Variants in FSTL5 observed in about 807,000 individuals in gnomAD.
FSTL5 encodes follistatin like 5.
In FSTL5, 62 loss-of-function variants were observed where a neutral mutation model predicts 89.1. That is an observed-to-expected ratio of 0.70 (90% CI 0.57 to 0.86). The LOEUF is 0.86. Among genes scored for constraint, FSTL5 ranks in the 40% least tolerant of loss-of-function variants. The pLI, the probability that FSTL5 is intolerant of heterozygous loss-of-function variation, is 0.00. For missense variants in FSTL5, 1,057 were observed against 1,001.6 expected (o/e 1.06, Z -0.75); for synonymous variants, 383 against 346.2 (o/e 1.11, Z -1.18).
chr4:161,449,911 G>A (rs1445859424), intron 15 of FSTL5, among the ~76,000 whole-genome samples: 2 of 152,078 alleles, frequency 1.3e-5, no homozygotes, highest in Non-Finnish European at 2.9e-5. Flanking sequence ...TCTTATTCGT[G>A]CTACGTCAAA....
intron 3 of FSTL5, among the ~76,000 whole-genome samples, chr4:162,001,617 TGTGTGTGTGTAA>T (rs1287316118): frequency 6.6e-6 from 1 of 151,950 alleles, no homozygotes; most frequent in Non-Finnish European, 1.5e-5. Context: ...TGTGTGTGTG[TGTGTGTGTGTAA>T]GTGTAAGAGT....
chr4:161,731,629 A>G lies in FSTL5; in HGVS notation c.727+27782T>C, dbSNP rs540352579. Among the ~76,000 whole-genome samples, 11 of 152,102 alleles carry G rather than the reference A, an allele frequency of 7.2e-5. No individual in the cohort carries two copies. In the East Asian group the frequency reaches 2.1e-3, roughly 29 times the overall value. ...CAATTAAAACCTCTTTTCTTCATAA[A>G]TGACCCAGTCTCAGGTAGTTCTTTA... On this transcript the variant is annotated intron_variant, in intron 6 of 15. Transcript: ENST00000306100.
At chr4:161,935,121 T>C (rs1482785216) in intron 3 of FSTL5, among the ~76,000 whole-genome samples, 1 of 152,112 alleles carries the variant, frequency 6.6e-6, no homozygotes, top group Non-Finnish European at 1.5e-5. Context: ...ACTTGTATGG[T>C]AATGGAAATT....
At chr4:161,448,160 G>A (rs1733016529) in intron 15 of FSTL5, among the ~76,000 whole-genome samples, 1 of 152,100 alleles carries the variant, frequency 6.6e-6, no homozygotes, top group Admixed American at 6.6e-5. Context: ...TTCTCTTTGT[G>A]GGAGGAATTA....
At chr4:161,783,634 TTTCTTTCTTTC>T (rs1741751724) in intron 4 of FSTL5, among the ~76,000 whole-genome samples, 1 of 31,130 alleles carries the variant, frequency 3.2e-5, no homozygotes, top group African/African-American at 7.7e-5. Flanking sequence ...TTCTCTTTCT[TTTCTTTCTTTC>T]TCTCTCTTTC....
intron 6 of FSTL5, among the ~76,000 whole-genome samples, chr4:161,679,884 T>C (rs1737457133): frequency 6.6e-6 from 1 of 151,728 alleles, no homozygotes; most frequent in South Asian, 2.1e-4. Context: ...TACAAAACAA[T>C]ATTAAACAAT....
At chr4:161,595,401 C>A (rs4355346) in intron 7 of FSTL5, among the ~76,000 whole-genome samples, 89,133 of 151,816 alleles carry the variant, frequency 0.59, 26,434 homozygotes, top group East Asian at 0.77. Context: ...ATCAGAGATT[C>A]AATCTTTATG....
chr4:162,141,036 A>G (rs1732712277), intron 1 of FSTL5, among the ~76,000 whole-genome samples: 1 of 148,610 alleles, frequency 6.7e-6, no homozygotes, highest in Non-Finnish European at 1.5e-5. Flanking sequence ...GGGAGTAATG[A>G]GTGAATTCTA....
At chr4:161,686,978 G>A (rs1473877973) in intron 6 of FSTL5, among the ~76,000 whole-genome samples, 1 of 151,802 alleles carries the variant, frequency 6.6e-6, no homozygotes, top group South Asian at 2.1e-4. Flanking sequence ...GGCTCCTGCC[G>A]ACATTGCGTA....
At chr4:161,892,794 CA>C in intron 4 of FSTL5, among the ~76,000 whole-genome samples, 1 of 152,138 alleles carries the variant, frequency 6.6e-6, no homozygotes, top group South Asian at 2.1e-4. Context: ...GAATGTTCTT[CA>C]GGTTCTATTT....
intron 4 of FSTL5, among the ~76,000 whole-genome samples, chr4:161,834,804 A>C (rs2126865583): frequency 6.6e-6 from 1 of 152,230 alleles, no homozygotes; most frequent in South Asian, 2.1e-4. Context: ...ATACAAGAGG[A>C]TACAAACAAA....
intron 6 of FSTL5, among the ~76,000 whole-genome samples, chr4:161,756,228 G>T (rs1038858113): frequency 7.9e-5 from 12 of 151,984 alleles, no homozygotes; most frequent in African/African-American, 2.9e-4. Context: ...TTTTATCATT[G>T]TTATAGGATA....
intron 7 of FSTL5, among the ~76,000 whole-genome samples, chr4:161,593,036 T>C (rs1046185446): frequency 1.3e-5 from 2 of 152,188 alleles, no homozygotes; most frequent in African/African-American, 2.4e-5. Flanking sequence ...GAGTTTTTTG[T>C]TCCTTGCCCT....
intron 15 of FSTL5, among the ~76,000 whole-genome samples, chr4:161,454,197 C>G (rs1295865175): frequency 6.6e-6 from 1 of 152,118 alleles, no homozygotes; most frequent in Non-Finnish European, 1.5e-5. Flanking sequence ...TATAACATAG[C>G]TGGAGCAGTT....
At chr4:162,129,623 AT>A (rs1732220161) in intron 1 of FSTL5, among the ~76,000 whole-genome samples, 1 of 152,192 alleles carries the variant, frequency 6.6e-6, no homozygotes, top group African/African-American at 2.4e-5. Flanking sequence ...ACCAAAATAT[AT>A]CATAGCAGTA....
chr4:161,783,765 T>C (rs1306952053), intron 4 of FSTL5, among the ~76,000 whole-genome samples: 1 of 133,312 alleles, frequency 7.5e-6, no homozygotes, highest in Non-Finnish European at 1.6e-5. Context: ...TCTTTCCTTC[T>C]TTCTCTTTCT....
chr4:161,406,663 T>A (rs1391173089), intron 15 of FSTL5, among the ~76,000 whole-genome samples: 1 of 152,202 alleles, frequency 6.6e-6, no homozygotes, highest in Non-Finnish European at 1.5e-5. Context: ...TTCAATGCTG[T>A]CAATATTTGC....
intron 6 of FSTL5, chr4:161,664,741 GTAT>G (rs1736827580): frequency 6.5e-6 from 1 of 153,968 alleles, no homozygotes; most frequent in Admixed American, 6.5e-5. Context: ...CCAATTTACT[GTAT>G]TAGTTAGTTT....
chr4:161,399,551 C>G (rs192904836), intron 15 of FSTL5, among the ~76,000 whole-genome samples: 1 of 151,352 alleles, frequency 6.6e-6, no homozygotes, highest in East Asian at 1.9e-4. Flanking sequence ...CATTATCGAG[C>G]CAACCAACTT....
Sources: allele counts gnomAD v4.1 joint callset (sites outside exome capture counted in the v4.1 genomes callset), GRCh38; gene constraint gnomAD v4.1.1; transcripts MANE v1.5; gene names NCBI Gene and HGNC (gene_info 2026-07-23, HGNC 2026-07-21).